The following MMP16 variants were observed in gnomAD, a reference collection of about 807,000 sequenced individuals.
MMP16 encodes matrix metalloproteinase-16.
MMP16 carries 12 observed loss-of-function variants against 67.8 expected under a neutral mutation model. The ratio of observed to expected loss-of-function variants is 0.18; its 90% CI spans 0.11 to 0.29. The LOEUF is 0.29. MMP16 is among the 10% of genes least tolerant of loss of function. The pLI, the probability that MMP16 is intolerant of heterozygous loss-of-function variation, is 1.00. For missense variants in MMP16, 475 were observed against 765.7 expected (o/e 0.62, Z 4.48); for synonymous variants, 249 against 255.9 (o/e 0.97, Z 0.26).
At chr8:88,290,641 G>A (rs962082081) in intron 1 of MMP16, among the ~76,000 whole-genome samples, 12 of 152,192 alleles carry the variant, frequency 7.9e-5, no homozygotes, top group African/African-American at 2.2e-4. Context: ...GCAGTGATGC[G>A]ATCATGGCTT....
chr8:88,165,436 T>A (rs1394179891), intron 4 of MMP16, among the ~76,000 whole-genome samples: 3 of 151,978 alleles, frequency 2.0e-5, no homozygotes, highest in African/African-American at 4.8e-5. Context: ...AAAATAAATT[T>A]TTATCTTTTC....
intron 1 of MMP16, among the ~76,000 whole-genome samples, chr8:88,268,459 A>C: frequency 6.6e-6 from 1 of 152,238 alleles, no homozygotes; most frequent in South Asian, 2.1e-4. Flanking sequence ...AGAAGCTTCA[A>C]GGAATATGTA....
At chr8:88,048,388 T>A (rs1167519993) in intron 8 of MMP16, among the ~76,000 whole-genome samples, 1 of 152,050 alleles carries the variant, frequency 6.6e-6, no homozygotes, top group Non-Finnish European at 1.5e-5. Context: ...GGATCACTCA[T>A]TATTGTCCAT....
Position 88,229,889 on chromosome 8 carries a change from T to C in MMP16, c.133-32583A>G, listed in dbSNP as rs1033980333. ...GACACGGGATGGAGAAAATGGAAAATTTAGAATGTAGTTAAGAGATCCAAC... is the reference window on the plus strand; with the variant it reads ...GACACGGGATGGAGAAAATGGAAAACTTAGAATGTAGTTAAGAGATCCAAC... On this transcript the variant is annotated intron_variant, in intron 1 of 9. Coordinates refer to ENST00000286614, the MANE Select transcript of MMP16 (RefSeq NM_005941.5). Among the ~76,000 whole-genome samples the C allele has an allele frequency of 5.9e-5, 9 of 151,990 alleles. No homozygotes were observed. The East Asian group carries it at 1.7e-3, about 29-fold the overall frequency.
chr8:88,125,952 T>A (rs562670084), intron 4 of MMP16, among the ~76,000 whole-genome samples: 1 of 151,880 alleles, frequency 6.6e-6, no homozygotes, highest in South Asian at 2.1e-4. Flanking sequence ...AAAAAAGTAA[T>A]CACATAATAA....
At chr8:88,184,746 CAAAAAAAAAAAAAAAA>C (rs61606557) in intron 3 of MMP16, among the ~76,000 whole-genome samples, 5 of 47,482 alleles carry the variant, frequency 1.1e-4, no homozygotes, top group African/African-American at 3.8e-4. Context: ...GGCCCTGTCT[CAAAAAAAAAAAAAAAA>C]AAAAAAAAAA....
intron 1 of MMP16, among the ~76,000 whole-genome samples, chr8:88,317,679 A>AT (rs1325944923): frequency 1.3e-5 from 2 of 152,150 alleles, no homozygotes; most frequent in Non-Finnish European, 2.9e-5. Flanking sequence ...AATCAGCTAG[A>AT]TTTTTACCTT....
intron 1 of MMP16, among the ~76,000 whole-genome samples, chr8:88,322,035 T>C (rs1015247801): frequency 6.4e-4 from 97 of 152,282 alleles, no homozygotes; most frequent in African/African-American, 2.1e-3. Context: ...TATCCCTCCC[T>C]ATACATAATT....
chr8:88,256,204 T>A (rs1407931525), intron 1 of MMP16, among the ~76,000 whole-genome samples: 1 of 152,202 alleles, frequency 6.6e-6, no homozygotes, highest in Non-Finnish European at 1.5e-5. Context: ...TTATTTTTTT[T>A]AATTCCATTG....
At chr8:88,218,582 C>T (rs769746007) in intron 1 of MMP16, among the ~76,000 whole-genome samples, 5 of 151,990 alleles carry the variant, frequency 3.3e-5, no homozygotes, top group Non-Finnish European at 7.4e-5. Flanking sequence ...ATCAAAACAT[C>T]ATGTTGCATA....
intron 1 of MMP16, among the ~76,000 whole-genome samples, chr8:88,245,354 AC>A (rs1451390021): frequency 2.0e-5 from 3 of 152,176 alleles, no homozygotes; most frequent in Non-Finnish European, 4.4e-5. Context: ...CATTCCTAAA[AC>A]ATCAGACATT....
chr8:88,226,808 C>A (rs1294208145), intron 1 of MMP16, among the ~76,000 whole-genome samples: 1 of 151,426 alleles, frequency 6.6e-6, no homozygotes, highest in African/African-American at 2.4e-5. Context: ...TCAACTCAGT[C>A]CCTGGTAAAA....
At chr8:88,149,600 C>G (rs1413889281) in intron 4 of MMP16, among the ~76,000 whole-genome samples, 2 of 151,930 alleles carry the variant, frequency 1.3e-5, no homozygotes, top group African/African-American at 2.4e-5. Flanking sequence ...AGCAGGGGCA[C>G]ACTGACACCT....
intron 1 of MMP16, among the ~76,000 whole-genome samples, chr8:88,247,323 C>T (rs981228443): frequency 1.3e-5 from 2 of 152,110 alleles, no homozygotes; most frequent in Non-Finnish European, 2.9e-5. Context: ...CTAGCACTTT[C>T]TATCTTGTCC....
At chr8:88,310,761 G>C (rs190248187) in intron 1 of MMP16, among the ~76,000 whole-genome samples, 32 of 152,132 alleles carry the variant, frequency 2.1e-4, no homozygotes, top group Non-Finnish European at 1.0e-4. Context: ...TACTGAATTC[G>C]CCCATATGCC....
In MMP16 at chr8:88,327,390, C is replaced by G. The variant is rs1013062203; in HGVS notation, c.-184G>C. 3.2e-6 allele frequency: 2 copies of G among 621,404 alleles called. No individual in the cohort carries two copies. Among genetic ancestry groups the G allele is most frequent in the Non-Finnish European group, 5.5e-6 (2 of 363,122 alleles). The allele number at this position is 621,404 out of a possible 1,614,324, so 38.5% of individuals were successfully genotyped here. A position where few individuals can be genotyped will look rare whatever the true frequency, so the allele number is the denominator to read the frequency against. On this transcript the variant is annotated 5_prime_UTR_variant, in exon 1 of 10. Transcript: ENST00000286614. ...GCGCTCGGCAGCCCCCGAGAGGCAG[C>G]GGCGAAGACAGGGTCAGCAGTAGTT...
chr8:88,281,579 A>C (rs1489337749), intron 1 of MMP16, among the ~76,000 whole-genome samples: 4 of 152,212 alleles, frequency 2.6e-5, no homozygotes, highest in Non-Finnish European at 4.4e-5. Flanking sequence ...TGGTCTTTCC[A>C]GTCAGCAAGC....
At chr8:88,051,645 T>G (rs1808272489) in intron 8 of MMP16, among the ~76,000 whole-genome samples, 1 of 152,210 alleles carries the variant, frequency 6.6e-6, no homozygotes, top group African/African-American at 2.4e-5. Context: ...AAAAAATTAC[T>G]TTGTAAACAT....
intron 5 of MMP16, 86 bp downstream of exon 5, chr8:88,118,614 T>C: frequency 8.1e-7 from 1 of 1,232,458 alleles, no homozygotes; most frequent in South Asian, 1.3e-5. Flanking sequence ...GTGTTATACT[T>C]AGAGCATCTA....
Sources: allele counts gnomAD v4.1 joint callset (sites outside exome capture counted in the v4.1 genomes callset), GRCh38; gene constraint gnomAD v4.1.1; transcripts MANE v1.5; gene names NCBI Gene and HGNC (gene_info 2026-07-23, HGNC 2026-07-21).